The following GFRA1 variants were observed in gnomAD, a reference collection of about 807,000 sequenced individuals.
GFRA1 encodes the protein GDNF family receptor alpha-1.
GFRA1 carries 16 observed loss-of-function variants against 51.6 expected under a neutral mutation model. The ratio of observed to expected loss-of-function variants is 0.31; its 90% CI spans 0.21 to 0.47. The LOEUF (loss-of-function observed/expected upper bound fraction) is 0.47. Among genes scored for constraint, GFRA1 ranks in the 20% least tolerant of loss-of-function variants. The pLI, the probability that GFRA1 is intolerant of heterozygous loss-of-function variation, is 1.00. For missense variants in GFRA1, 530 were observed against 594.3 expected (o/e 0.89, Z 1.13); for synonymous variants, 270 against 241.3 (o/e 1.12, Z -1.10).
chr10:116,144,991 A>T (rs549234568), intron 5 of GFRA1, among the ~76,000 whole-genome samples: 2 of 151,784 alleles, frequency 1.3e-5, no homozygotes, highest in South Asian at 4.2e-4. Flanking sequence ...TCTACTAAAA[A>T]TACAAAAATT....
intron 5 of GFRA1, among the ~76,000 whole-genome samples, chr10:116,202,006 A>G (rs1964372800): frequency 6.6e-6 from 1 of 152,222 alleles, no homozygotes; most frequent in Admixed American, 6.5e-5. Context: ...AGAAGCATGT[A>G]CATACACTCA....
At chr10:116,088,461 G>A (rs1956187476) in intron 9 of GFRA1, among the ~76,000 whole-genome samples, 1 of 152,118 alleles carries the variant, frequency 6.6e-6, no homozygotes, top group African/African-American at 2.4e-5. Flanking sequence ...AAAGAACGAG[G>A]CTCCTGGGTT....
intron 5 of GFRA1, among the ~76,000 whole-genome samples, chr10:116,164,971 C>A: frequency 6.6e-6 from 1 of 152,178 alleles, no homozygotes; most frequent in African/African-American, 2.4e-5. Context: ...ATGTAACCAG[C>A]ACTCCTTTCC....
intron 9 of GFRA1, among the ~76,000 whole-genome samples, chr10:116,081,247 C>A (rs1955836555): frequency 6.6e-6 from 1 of 152,158 alleles, no homozygotes; most frequent in South Asian, 2.1e-4. Flanking sequence ...TTGTTGGGGA[C>A]CACGGCCATA....
At chr10:116,083,713 C>G (rs1219010602) in intron 9 of GFRA1, among the ~76,000 whole-genome samples, 1 of 152,136 alleles carries the variant, frequency 6.6e-6, no homozygotes, top group Non-Finnish European at 1.5e-5. Flanking sequence ...GGTTTGCCCC[C>G]ACAAAGAAGA....
At chr10:116,176,333 C>T (rs1961595225) in intron 5 of GFRA1, among the ~76,000 whole-genome samples, 1 of 152,166 alleles carries the variant, frequency 6.6e-6, no homozygotes, top group Admixed American at 6.5e-5. Flanking sequence ...TAGTTTGGAC[C>T]TCCACTCCAA....
At chr10:116,124,217 TTTCTTCTTC>T (rs369954258) in intron 6 of GFRA1, among the ~76,000 whole-genome samples, 1 of 150,622 alleles carries the variant, frequency 6.6e-6, no homozygotes, top group Admixed American at 6.6e-5. Context: ...TGGTTTTTCT[TTTCTTCTTC>T]TTCTTCTTCT....
chr10:116,201,732 C>A (rs1452841483), intron 5 of GFRA1, among the ~76,000 whole-genome samples: 1 of 152,122 alleles, frequency 6.6e-6, no homozygotes, highest in Admixed American at 6.5e-5. Context: ...TCTGCTAAGT[C>A]CCCTGGGGTC....
chr10:116,225,975 G>A (rs1966267057), intron 4 of GFRA1, among the ~76,000 whole-genome samples: 1 of 152,142 alleles, frequency 6.6e-6, no homozygotes, highest in South Asian at 2.1e-4. Flanking sequence ...AATTACAGAT[G>A]TGGCTCATAT....
chr10:116,182,033 A>G (rs939843898), intron 5 of GFRA1, among the ~76,000 whole-genome samples: 1 of 145,264 alleles, frequency 6.9e-6, no homozygotes, highest in Admixed American at 6.8e-5. Context: ...AGATGGGCAC[A>G]TGAGTATCTT....
At chr10:116,091,306 A>AAAAG (rs1238441555) in intron 8 of GFRA1, among the ~76,000 whole-genome samples, 2 of 152,222 alleles carry the variant, frequency 1.3e-5, no homozygotes, top group Non-Finnish European at 2.9e-5. Context: ...CAACATCAAC[A>AAAAG]AAAGATAAAA....
At chr10:116,085,039 C>T (rs1346096802) in intron 9 of GFRA1, among the ~76,000 whole-genome samples, 1 of 152,140 alleles carries the variant, frequency 6.6e-6, no homozygotes. Flanking sequence ...TAACCCAAAA[C>T]CCGGTATTTT....
chr10:116,268,277 C>A (rs1342693203), intron 4 of GFRA1, among the ~76,000 whole-genome samples: 1 of 152,146 alleles, frequency 6.6e-6, no homozygotes, highest in Non-Finnish European at 1.5e-5. Flanking sequence ...CTTCACTATG[C>A]CTCAATTTAT....
intron 5 of GFRA1, among the ~76,000 whole-genome samples, chr10:116,194,636 C>A (rs1204016027): frequency 1.3e-5 from 2 of 151,360 alleles, no homozygotes; most frequent in Non-Finnish European, 3.0e-5. Context: ...ACCCACTGAG[C>A]AACTTTAATT....
At chr10:116,195,980 C>T (rs2134351645) in intron 5 of GFRA1, among the ~76,000 whole-genome samples, 1 of 152,190 alleles carries the variant, frequency 6.6e-6, no homozygotes, top group South Asian at 2.1e-4. Flanking sequence ...TTATTGAACA[C>T]TCATAAGGTT....
chr10:116,112,326 G>A (rs1206135166), intron 6 of GFRA1, among the ~76,000 whole-genome samples: 4 of 152,122 alleles, frequency 2.6e-5, no homozygotes, highest in Admixed American at 6.5e-5. Context: ...GGTGCTTCCC[G>A]GGACCTGAAA....
intron 5 of GFRA1, among the ~76,000 whole-genome samples, chr10:116,159,852 C>T (rs1959566186): frequency 6.6e-6 from 1 of 152,158 alleles, no homozygotes; most frequent in Admixed American, 6.5e-5. Context: ...ATTCAGAAAA[C>T]AAAACGTGAA....
chr10:116,197,495 G>A (rs1963982083), intron 5 of GFRA1, among the ~76,000 whole-genome samples: 1 of 152,088 alleles, frequency 6.6e-6, no homozygotes, highest in Non-Finnish European at 1.5e-5. Flanking sequence ...GTATATATAT[G>A]TGTCTGTCAT....
chr10:116,114,456 A>C (rs926272228), intron 6 of GFRA1, among the ~76,000 whole-genome samples: 3 of 152,232 alleles, frequency 2.0e-5, no homozygotes, highest in African/African-American at 4.8e-5. Flanking sequence ...AAAGAGGATG[A>C]CTATCAAGCT....
Sources: allele counts gnomAD v4.1 joint callset (sites outside exome capture counted in the v4.1 genomes callset), GRCh38; gene constraint gnomAD v4.1.1; transcripts MANE v1.5; gene names NCBI Gene and HGNC (gene_info 2026-07-23, HGNC 2026-07-21).